The following NCK2 variants were observed in gnomAD, a reference collection of about 807,000 sequenced individuals.
The protein encoded by NCK2 is cytoplasmic protein NCK2.
In NCK2, 16 loss-of-function variants were observed where a neutral mutation model predicts 33.9. The observed-to-expected ratio is 0.47, with a 90% CI of 0.32 to 0.72. NCK2 has a LOEUF of 0.72. Among genes scored for constraint, NCK2 ranks in the 30% least tolerant of loss-of-function variants. NCK2 has a pLI of 0.03. For synonymous variants in NCK2, 273 were observed against 239.9 expected, an observed-to-expected ratio of 1.14 and a Z score of -1.27; for missense variants, 418 against 537.3, an observed-to-expected ratio of 0.78 and a Z score of 2.19.
At chr2:105,774,589 T>C (rs745544346) in intron 1 of NCK2, among the ~76,000 whole-genome samples, 6 of 152,084 alleles carry the variant, frequency 3.9e-5, no homozygotes, top group Admixed American at 6.6e-5. Context: ...AGGTGTCCAC[T>C]GCAGGTCTGG....
intron 3 of NCK2, among the ~76,000 whole-genome samples, chr2:105,859,390 C>T (rs879924922): frequency 7.2e-5 from 11 of 152,142 alleles, no homozygotes; most frequent in African/African-American, 2.7e-4. Context: ...CCCTGCCACC[C>T]TACCTACCTG....
chr2:105,760,253 C>T (rs1337371395), intron 1 of NCK2, among the ~76,000 whole-genome samples: 2 of 152,148 alleles, frequency 1.3e-5, no homozygotes, highest in East Asian at 1.9e-4. Flanking sequence ...GGCACTGTTG[C>T]GGAGGAGGTG....
intron 1 of NCK2, among the ~76,000 whole-genome samples, chr2:105,767,939 C>T (rs1690000714): frequency 6.6e-6 from 1 of 152,142 alleles, no homozygotes; most frequent in African/African-American, 2.4e-5. Flanking sequence ...TAAGTAGTTG[C>T]TGTCTTTCTA....
intron 3 of NCK2, chr2:105,857,050 G>A (rs375799675): frequency 1.3e-5 from 1 of 76,394 alleles, no homozygotes; most frequent in Non-Finnish European, 2.8e-5. Flanking sequence ...TTTTTTTTTT[G>A]TATTTACAAG....
chr2:105,792,685 C>CA (rs1690930511), intron 1 of NCK2, among the ~76,000 whole-genome samples: 1 of 152,072 alleles, frequency 6.6e-6, no homozygotes, highest in African/African-American at 2.4e-5. Flanking sequence ...CCACAGTCTG[C>CA]AATGTGCTGA....
intron 4 of NCK2, among the ~76,000 whole-genome samples, chr2:105,886,561 A>T (rs1044480435): frequency 1.3e-5 from 2 of 152,220 alleles, no homozygotes; most frequent in African/African-American, 4.8e-5. Context: ...AATAATTCTG[A>T]TGCGCCAATT....
chr2:105,750,473 G>C (rs1274561755), intron 1 of NCK2, among the ~76,000 whole-genome samples: 1 of 152,166 alleles, frequency 6.6e-6, no homozygotes, highest in Non-Finnish European at 1.5e-5. Context: ...CCACAACAGG[G>C]CTGATGCTTT....
intron 1 of NCK2, among the ~76,000 whole-genome samples, chr2:105,767,591 C>T (rs991693202): frequency 1.9e-4 from 29 of 152,190 alleles, no homozygotes; most frequent in Non-Finnish European, 4.4e-5. Flanking sequence ...TCTGTGGCTG[C>T]CCCATGTTGC....
At chr2:105,845,848 C>T (rs983059473) in intron 2 of NCK2, among the ~76,000 whole-genome samples, 1 of 152,164 alleles carries the variant, frequency 6.6e-6, no homozygotes, top group African/African-American at 2.4e-5. Context: ...AAAGACCTCA[C>T]TTGTGTTTCC....
At chr2:105,786,351 G>A (rs1035970207) in intron 1 of NCK2, among the ~76,000 whole-genome samples, 1 of 152,220 alleles carries the variant, frequency 6.6e-6, no homozygotes, top group African/African-American at 2.4e-5. Flanking sequence ...CCCTGGGAAC[G>A]GCCAGTGGGC....
At chr2:105,778,550 C>T (rs1343218364) in intron 1 of NCK2, among the ~76,000 whole-genome samples, 3 of 152,160 alleles carry the variant, frequency 2.0e-5, no homozygotes, top group East Asian at 1.9e-4. Flanking sequence ...GGGGATTTGC[C>T]GGCAGAGTTA....
At chr2:105,763,613 C>T (rs1244078435) in intron 1 of NCK2, among the ~76,000 whole-genome samples, 2 of 151,950 alleles carry the variant, frequency 1.3e-5, no homozygotes, top group Non-Finnish European at 2.9e-5. Flanking sequence ...TGATTATTTA[C>T]TGTTACAGCA....
intron 2 of NCK2, among the ~76,000 whole-genome samples, chr2:105,830,687 G>A (rs1676143021): frequency 7.6e-6 from 1 of 132,138 alleles, no homozygotes; most frequent in East Asian, 2.6e-4. Flanking sequence ...GTGTGTGTGT[G>A]TGTGTGTGTG....
chr2:105,834,435 TA>T (rs1332145149), intron 2 of NCK2, among the ~76,000 whole-genome samples: 2 of 152,242 alleles, frequency 1.3e-5, no homozygotes, highest in South Asian at 2.1e-4. Flanking sequence ...CTATTTTATC[TA>T]AATTATATTT....
At chr2:105,826,028 T>TA (rs2104509601) in intron 2 of NCK2, among the ~76,000 whole-genome samples, 1 of 152,330 alleles carries the variant, frequency 6.6e-6, no homozygotes, top group African/African-American at 2.4e-5. Context: ...AGAAGGCTGA[T>TA]ACTGTGTATT....
chr2:105,889,772 G>C (rs115563450), intron 4 of NCK2, among the ~76,000 whole-genome samples: 2,403 of 152,024 alleles, frequency 0.016, 60 homozygotes, highest in African/African-American at 0.054. Context: ...TTTATGTAGA[G>C]ATAGGGTCCC....
At chr2:105,884,531 G>GT (rs965616667) in intron 4 of NCK2, among the ~76,000 whole-genome samples, 152 of 152,070 alleles carry the variant, frequency 1.0e-3, no homozygotes, top group African/African-American at 3.4e-3. Flanking sequence ...AAGCACAGCT[G>GT]TTTTTTTTGG....
intron 2 of NCK2, among the ~76,000 whole-genome samples, chr2:105,828,805 A>G (rs1676055949): frequency 6.6e-6 from 1 of 152,258 alleles, no homozygotes; most frequent in African/African-American, 2.4e-5. Context: ...GGGAAGGACC[A>G]TCACTCACTC....
chr2:105,756,724 C>T (rs938467514), intron 1 of NCK2, among the ~76,000 whole-genome samples: 2 of 152,224 alleles, frequency 1.3e-5, no homozygotes, highest in African/African-American at 4.8e-5. Context: ...GAAGTCCCCT[C>T]GTCCCTCAAA....
Sources: allele counts gnomAD v4.1 joint callset (sites outside exome capture counted in the v4.1 genomes callset), GRCh38; gene constraint gnomAD v4.1.1; transcripts MANE v1.5; gene names NCBI Gene and HGNC (gene_info 2026-07-23, HGNC 2026-07-21).